DNAH5: variants seen among roughly 807,000 people sequenced by gnomAD.
DNAH5 encodes axonemal beta dynein heavy chain 5.
In DNAH5, 372 loss-of-function variants were observed where a neutral mutation model predicts 518.2. The ratio of observed to expected loss-of-function variants is 0.72; its 90% CI spans 0.66 to 0.78. The LOEUF is 0.78. Among genes scored for constraint, DNAH5 ranks in the 30% least tolerant of loss-of-function variants. The pLI is 0.00. For missense variants in DNAH5, 5,523 were observed against 5,687.0 expected, an observed-to-expected ratio of 0.97 and a Z score of 0.93; for synonymous variants, 2,039 against 2,025.9, an observed-to-expected ratio of 1.01 and a Z score of -0.17.
Position 13,902,133 on chromosome 5 carries a change from C to T in DNAH5, c.1650G>A (p.Glu550=). 1 of 1,603,878 alleles carries T rather than the reference C, an allele frequency of 6.2e-7. No individual in the cohort carries two copies. Among genetic ancestry groups the T allele is most frequent in the Non-Finnish European group, 8.5e-7 (1 of 1,172,638 alleles). ...FCKQTNDLHN[E]LRKFMDVTFA... The stretch of plus-strand genomic sequence containing the variant: ...ATGTAACATCCATGAACTTCCGCAA[C>T]TCGTTCTAAAACAGAATAAAATCTG... Residue 550 remains glutamate, a synonymous_variant, in exon 13 of 79, where the codon GAG becomes GAA. Transcript: ENST00000265104.
chr5:13,975,146 G>A (rs1193392030), intron 1 of DNAH5, among the ~76,000 whole-genome samples: 2 of 152,186 alleles, frequency 1.3e-5, no homozygotes, highest in African/African-American at 4.8e-5. Context: ...GAGGTTTATT[G>A]GACTTACAGT....
chr5:13,888,022 C>T (rs1389433478), intron 17 of DNAH5, among the ~76,000 whole-genome samples: 1 of 152,188 alleles, frequency 6.6e-6, no homozygotes, highest in Non-Finnish European at 1.5e-5. Context: ...CCTCGTCATA[C>T]TCAAAGAATG....
rs1445810 is a variant in DNAH5 at position 13,867,710 on chromosome 5, C to T, written c.4053+64G>A. ...AAATTTACCCATAATTTTTAGACAA[C>T]TACATTTTGCATGTTGTATTCACTC... On this transcript the variant is annotated intron_variant, in intron 25 of 78. Transcript: ENST00000265104. The T allele has an allele frequency of 0.43, 540,902 of 1,271,398 alleles. 117,722 individuals carry two copies. The highest frequency in any genetic ancestry group is 0.47 in the South Asian group (39,067 of 83,652). The allele number at this position is 1,271,398 out of a possible 1,614,324, so 78.8% of individuals were successfully genotyped here. A position where few individuals can be genotyped will look rare whatever the true frequency, so the allele number is the denominator to read the frequency against.
chr5:13,830,343 C>G (rs1159180577), intron 36 of DNAH5, 130 bp from the exon 37 acceptor site: 2 of 961,520 alleles, frequency 2.1e-6, no homozygotes, highest in African/African-American at 3.3e-5. Context: ...ACAAATAGAT[C>G]TATGCATCAA....
chr5:13,885,940 C>A (rs1029428038), intron 18 of DNAH5, 24 bp downstream of exon 18: 1 of 1,605,504 alleles, frequency 6.2e-7, no homozygotes, highest in Non-Finnish European at 8.5e-7. Flanking sequence ...AAAAACAAGA[C>A]CCTTTCATTA....
At position 13,999,163 on chromosome 5, in the gene DNAH5, T is replaced by C. The variant is rs115100690; in HGVS notation, c.12+12485A>G. ...CTGGGATTACAGGCGTGAGCCACGA[T>C]GACCGGCCTGCCATTAATTACTTTT... On this transcript the variant is annotated intron_variant, in intron 1 of 78. Coordinates refer to the DNAH5 transcript ENST00000681290. Among the ~76,000 whole-genome samples the C allele has an allele frequency of 4.8e-3, 732 of 152,376 alleles. 6 individuals carry two copies. Among genetic ancestry groups the C allele is most frequent in the African/African-American group, 0.016 (686 of 41,590 alleles).
chr5:13,822,568 T>C (rs66471471), intron 40 of DNAH5, among the ~76,000 whole-genome samples: 62,779 of 152,094 alleles, frequency 0.41, 13,284 homozygotes, highest in East Asian at 0.61. Context: ...ATTTTTATTA[T>C]AAATATTTTC....
chr5:13,822,048 C>A (rs993131643), intron 40 of DNAH5, among the ~76,000 whole-genome samples: 3 of 152,166 alleles, frequency 2.0e-5, no homozygotes, highest in Admixed American at 2.0e-4. Context: ...TATCAAAGCA[C>A]TGGGACTATT....
intron 44 of DNAH5, 139 bp downstream of exon 44, chr5:13,811,508 A>G (rs1760708611): frequency 3.9e-6 from 3 of 772,708 alleles, no homozygotes; most frequent in African/African-American, 3.5e-5. Context: ...CCTCCCCAAC[A>G]GCTCTAACCA....
chr5:13,709,974 G>A (rs976894551), intron 75 of DNAH5, among the ~76,000 whole-genome samples: 1 of 152,056 alleles, frequency 6.6e-6, no homozygotes, highest in African/African-American at 2.4e-5. Flanking sequence ...GATGCTCTCT[G>A]GAAAGCACCA....
intron 1 of DNAH5, among the ~76,000 whole-genome samples, chr5:13,973,652 G>A (rs1319165841): frequency 6.6e-6 from 1 of 151,540 alleles, no homozygotes; most frequent in Non-Finnish European, 1.5e-5. Context: ...GTGAGATGTG[G>A]ATATATATAG....
At position 13,708,186 on chromosome 5, in the gene DNAH5, G is replaced by A. The variant is rs370545463; in HGVS notation, c.13275C>T (p.Ser4425=). 13 of 1,614,078 alleles carry A rather than the reference G, an allele frequency of 8.1e-6. No homozygotes were observed. Among genetic ancestry groups the A allele is most frequent in the Admixed American group, 3.3e-5 (2 of 60,014 alleles). Residue 4425 remains serine (S), a synonymous_variant, in exon 76 of 79, where the codon AGC becomes AGT. Coordinates refer to ENST00000265104, the MANE Select transcript of DNAH5 (RefSeq NM_001369.3). ...AATCCAATGCATCTCGCAGATTTTCGCTCATGATGATGGTGCCATCAATAG... is the reference window on the plus strand; with the variant it reads ...AATCCAATGCATCTCGCAGATTTTCACTCATGATGATGGTGCCATCAATAG... ...KLAIDGTIIM[S]ENLRDALDCM... is the part of the protein sequence containing the mutation.
chr5:14,001,434 G>A (rs1277972445), intron 1 of DNAH5, among the ~76,000 whole-genome samples: 1 of 152,074 alleles, frequency 6.6e-6, no homozygotes. Context: ...TGTGATCTCG[G>A]CTCACTGCCA....
intron 38 of DNAH5, among the ~76,000 whole-genome samples, chr5:13,825,346 A>AAATAAATAAATAAATAAAT (rs1762759354): frequency 6.6e-6 from 1 of 150,508 alleles, no homozygotes; most frequent in African/African-American, 2.4e-5. Context: ...TGTCTTGCAA[A>AAATAAATAAATAAATAAAT]AAATAAATAA....
At chr5:13,805,026 C>A (rs900101497) in intron 47 of DNAH5, among the ~76,000 whole-genome samples, 3 of 152,150 alleles carry the variant, frequency 2.0e-5, no homozygotes, top group Non-Finnish European at 4.4e-5. Flanking sequence ...TTGTTCCTGG[C>A]TCCTGGGATG....
At chr5:13,945,263 G>A (rs1234350702), upstream of DNAH5, among the ~76,000 whole-genome samples, 4 of 152,200 alleles carry the variant, frequency 2.6e-5, no homozygotes, top group Non-Finnish European at 4.4e-5. Flanking sequence ...TTCTCCCATC[G>A]AGTTGAATAA....
chr5:13,894,259 G>C (rs1208607501), intron 16 of DNAH5, among the ~76,000 whole-genome samples: 1 of 152,102 alleles, frequency 6.6e-6, no homozygotes, highest in African/African-American at 2.4e-5. Flanking sequence ...AAGGAAAATT[G>C]TGTTTGTTTA....
Position 13,865,832 on chromosome 5 carries a change from T to C in DNAH5, c.4191A>G (p.Thr1397=). Residue 1397 remains threonine, a synonymous_variant, in exon 27 of 79, where the codon ACA becomes ACG. Coordinates refer to ENST00000265104, the MANE Select transcript of DNAH5 (RefSeq NM_001369.3). ...GGEELFGLPA[T]QYPQLLEIKK... ...TTATTTCAAGAAGCTGAGGATACTG[T>C]GTAGCTGGCAGGCCAAAAAGCTCCT... 6.2e-7 allele frequency: 1 copy of C among 1,613,868 alleles called. No homozygotes were observed. Among genetic ancestry groups the C allele is most frequent in the Non-Finnish European group, 8.5e-7 (1 of 1,179,800 alleles).
intron 64 of DNAH5, 63 bp downstream of exon 64, chr5:13,752,071 T>C (rs889451719): frequency 6.5e-7 from 1 of 1,548,186 alleles, no homozygotes; most frequent in Non-Finnish European, 8.9e-7. Flanking sequence ...ATTCTATCTG[T>C]GTCACATTGA....
Sources: gnomAD v4.1 joint callset for allele counts (sites outside exome capture counted in the v4.1 genomes callset) on GRCh38, gnomAD v4.1.1 for gene constraint, MANE v1.5 for transcripts, NCBI Gene and HGNC (gene_info 2026-07-23, HGNC 2026-07-21) for gene names.